Variants in DLGAP2 observed in about 807,000 individuals in gnomAD.
DLGAP2 encodes DLG associated protein 2.
A neutral mutation model predicts 100.3 loss-of-function variants in DLGAP2; 26 were observed. That is an observed-to-expected ratio of 0.26 (90% CI 0.19 to 0.36). The LOEUF (loss-of-function observed/expected upper bound fraction) is 0.36, where lower values mean the gene tolerates loss of function less well. Ranked by LOEUF, DLGAP2 falls within the 10% of genes least tolerant of loss-of-function variation. DLGAP2 has a pLI of 1.00. For synonymous variants in DLGAP2, 886 were observed against 630.1 expected (o/e 1.41, Z -6.08); for missense variants, 1,858 against 1,453.2 (o/e 1.28, Z -4.53).
chr8:1,513,427 G>A (rs934282776), intron 4 of DLGAP2, among the ~76,000 whole-genome samples: 25 of 152,146 alleles, frequency 1.6e-4, no homozygotes, highest in Admixed American at 3.9e-4. Context: ...ACGGAGGCTC[G>A]GTGGGATACA....
At chr8:1,412,400 G>A (rs1406297048) in intron 3 of DLGAP2, among the ~76,000 whole-genome samples, 1 of 152,178 alleles carries the variant, frequency 6.6e-6, no homozygotes, top group Non-Finnish European at 1.5e-5. Flanking sequence ...GGTTCTCAGA[G>A]TCTCACCCTC....
intron 1 of DLGAP2, among the ~76,000 whole-genome samples, chr8:869,579 C>G (rs969133145): frequency 3.3e-5 from 5 of 152,180 alleles, no homozygotes; most frequent in African/African-American, 1.2e-4. Flanking sequence ...TTAATAACTC[C>G]AAGACCTCCC....
intron 3 of DLGAP2, among the ~76,000 whole-genome samples, chr8:1,465,189 A>G (rs1396664489): frequency 1.3e-5 from 2 of 152,230 alleles, no homozygotes; most frequent in African/African-American, 4.8e-5. Context: ...AGGAGCTTCT[A>G]ACCAGCCAGT....
rs565059841 is a variant in DLGAP2, at chr8:1,515,207, A to T, written c.172+13776A>T. Among the ~76,000 whole-genome samples, 5 of 152,302 alleles carry T rather than the reference A, an allele frequency of 3.3e-5. No homozygotes were observed. In the East Asian group the frequency reaches 7.7e-4, roughly 24 times the overall value. ...TGTTGCATTGATTCTTTTGCAGCCG[A>T]TGAGCACACCCACCCTGCACTTGAG... On this transcript the variant is annotated intron_variant, in intron 4 of 14. Transcript: ENST00000637795.
At chr8:1,624,169 C>T (rs1224435726) in intron 6 of DLGAP2, among the ~76,000 whole-genome samples, 2 of 152,144 alleles carry the variant, frequency 1.3e-5, no homozygotes, top group Non-Finnish European at 2.9e-5. Context: ...TGTTAAAATG[C>T]AAAACGGTGG....
intron 1 of DLGAP2, among the ~76,000 whole-genome samples, chr8:869,346 C>T (rs1797555836): frequency 6.6e-6 from 1 of 152,166 alleles, no homozygotes; most frequent in African/African-American, 2.4e-5. Flanking sequence ...AAGAGTCACG[C>T]CCTCCCTGTC....
At chr8:1,012,625 G>A (rs1428880664) in intron 2 of DLGAP2, among the ~76,000 whole-genome samples, 1 of 114,238 alleles carries the variant, frequency 8.8e-6, no homozygotes, top group African/African-American at 3.5e-5. Context: ...CCCGACTTCA[G>A]CGGCAGTGTG....
At chr8:1,352,084 G>C (rs1801744124) in intron 3 of DLGAP2, among the ~76,000 whole-genome samples, 1 of 84,656 alleles carries the variant, frequency 1.2e-5, no homozygotes, top group Non-Finnish European at 2.5e-5. Context: ...GGTCCTGACT[G>C]TGTGTGGAAA....
intron 2 of DLGAP2, among the ~76,000 whole-genome samples, chr8:1,242,716 G>T (rs974882074): frequency 1.3e-5 from 2 of 152,184 alleles, no homozygotes; most frequent in African/African-American, 4.8e-5. Flanking sequence ...GAGTGCATAG[G>T]TGGGTGGATG....
chr8:906,006 G>C (rs1798372103), intron 1 of DLGAP2, among the ~76,000 whole-genome samples: 1 of 152,216 alleles, frequency 6.6e-6, no homozygotes, highest in Non-Finnish European at 1.5e-5. Context: ...CTGTGGAATG[G>C]GGTTGCCTGC....
chr8:1,614,978 G>A (rs1045824264), intron 6 of DLGAP2, among the ~76,000 whole-genome samples: 1 of 152,250 alleles, frequency 6.6e-6, no homozygotes, highest in African/African-American at 2.4e-5. Context: ...GGTCCTGTGA[G>A]TTCCCTCTGA....
At chr8:1,650,994 C>G (rs1798148700) in intron 8 of DLGAP2, among the ~76,000 whole-genome samples, 2 of 152,104 alleles carry the variant, frequency 1.3e-5, no homozygotes, top group Admixed American at 6.6e-5. Flanking sequence ...ATGTCTGCCT[C>G]CAGCATCTAC....
chr8:1,382,433 T>C (rs1585320202), intron 3 of DLGAP2, among the ~76,000 whole-genome samples: 1 of 152,150 alleles, frequency 6.6e-6, no homozygotes, highest in Non-Finnish European at 1.5e-5. Flanking sequence ...CGTGAATATA[T>C]GTGCAGAAAT....
chr8:943,601 C>A (rs113219116), intron 2 of DLGAP2, among the ~76,000 whole-genome samples: 1 of 149,862 alleles, frequency 6.7e-6, no homozygotes, highest in Admixed American at 6.7e-5. Context: ...GCTCTGTACA[C>A]GATCATGTGG....
chr8:1,226,616 T>C (rs933352768), intron 2 of DLGAP2, among the ~76,000 whole-genome samples: 18 of 152,228 alleles, frequency 1.2e-4, no homozygotes, highest in African/African-American at 3.9e-4. Context: ...ATCCTGGAAC[T>C]GAAAAAATAA....
intron 2 of DLGAP2, among the ~76,000 whole-genome samples, chr8:926,281 T>C (rs902765770): frequency 2.0e-5 from 3 of 152,174 alleles, no homozygotes; most frequent in African/African-American, 7.2e-5. Flanking sequence ...TGGCCAGGCC[T>C]AAGCCTGCTG....
intron 3 of DLGAP2, among the ~76,000 whole-genome samples, chr8:1,384,345 G>GTGCACAGTTACCCCGGCCTGTGCCCGGCC (rs1796166130): frequency 8.5e-6 from 1 of 117,634 alleles, no homozygotes; most frequent in African/African-American, 3.1e-5. Context: ...CCTGTGCCCG[G>GTGCACAGTTACCCCGGCCTGTGCCCGGCC]CCCCTGAGAA....
chr8:1,695,446 AAGAG>A (rs1259999511), intron 13 of DLGAP2, among the ~76,000 whole-genome samples: 2 of 139,782 alleles, frequency 1.4e-5, no homozygotes, highest in African/African-American at 2.9e-5. Flanking sequence ...GCCCTACAGA[AAGAG>A]GGGGCACAGC....
intron 6 of DLGAP2, among the ~76,000 whole-genome samples, chr8:1,595,315 A>G (rs959570826): frequency 6.6e-6 from 1 of 152,106 alleles, no homozygotes; most frequent in Non-Finnish European, 1.5e-5. Flanking sequence ...AATAACATAC[A>G]AAAGAGAAGA....
Sources: allele counts gnomAD v4.1 joint callset (sites outside exome capture counted in the v4.1 genomes callset), GRCh38; gene constraint gnomAD v4.1.1; transcripts MANE v1.5; gene names NCBI Gene and HGNC (gene_info 2026-07-23, HGNC 2026-07-21).